Variants in SRGAP3 observed in about 807,000 individuals in gnomAD.
SRGAP3 encodes the protein SLIT-ROBO Rho GTPase-activating protein 3.
SRGAP3 carries 39 observed loss-of-function variants against 121.1 expected under a neutral mutation model. That is an observed-to-expected ratio of 0.32 (90% CI 0.25 to 0.42). The LOEUF (loss-of-function observed/expected upper bound fraction) is 0.42, where lower values mean the gene tolerates loss of function less well. SRGAP3 is among the 10% of genes least tolerant of loss of function. The pLI is 1.00. For synonymous variants in SRGAP3, 601 were observed against 570.0 expected (o/e 1.05, Z -0.77); for missense variants, 1,213 against 1,470.6 (o/e 0.82, Z 2.86).
chr3:9,184,743 G>T (rs1951542760), intron 1 of SRGAP3, among the ~76,000 whole-genome samples: 1 of 152,144 alleles, frequency 6.6e-6, no homozygotes, highest in South Asian at 2.1e-4. Flanking sequence ...TGCTTTACAG[G>T]AGAGATGAGA....
rs774821295 is a variant in SRGAP3 at position 8,985,655 on chromosome 3, G to T, written c.3164C>A (p.Pro1055His). 4 of 1,595,678 alleles carry T rather than the reference G, an allele frequency of 2.5e-6. No homozygotes were observed. ...ARLAGAQLRP[P>H]PMRPVRPVVQ... The stretch of plus-strand genomic sequence containing the variant: ...CACCGGCCGCACGGGCCGCATGGGG[G>T]GCGGGCGGAGCTGGGCGCCAGCCAG... The change falls in exon 22 of 22, where the codon CCC becomes CAC. Residue 1055 changes from proline (P) to histidine (H), a missense_variant. By Grantham distance (77) the Pro-to-His change is moderately conservative. Coordinates refer to ENST00000383836, the MANE Select transcript of SRGAP3 (RefSeq NM_014850.4). This position sits in a 1 kb window ranked among gnomAD's most constrained non-coding sequence, Gnocchi z 5.1.
intron 1 of SRGAP3, among the ~76,000 whole-genome samples, chr3:9,156,851 A>G (rs1055280780): frequency 6.6e-6 from 1 of 152,182 alleles, no homozygotes; most frequent in African/African-American, 2.4e-5. Context: ...GTATTTCAAC[A>G]GACAGGAGGC....
At chr3:9,125,525 C>T (rs1949189899) in intron 1 of SRGAP3, among the ~76,000 whole-genome samples, 1 of 152,202 alleles carries the variant, frequency 6.6e-6, no homozygotes, top group South Asian at 2.1e-4. Context: ...TTATTTAAGG[C>T]CACATCTGTG....
chr3:9,172,070 C>T (rs1950998457), intron 1 of SRGAP3, among the ~76,000 whole-genome samples: 1 of 149,362 alleles, frequency 6.7e-6, no homozygotes, highest in South Asian at 2.1e-4. Flanking sequence ...GGATTAGGGC[C>T]TTTCCAAATG....
At chr3:9,202,326 C>A (rs1268423404) in intron 1 of SRGAP3, among the ~76,000 whole-genome samples, 5 of 152,228 alleles carry the variant, frequency 3.3e-5, no homozygotes, top group Non-Finnish European at 5.9e-5. Flanking sequence ...CAGCCTTGGC[C>A]TCTTCTGTCC....
intron 3 of SRGAP3, among the ~76,000 whole-genome samples, chr3:9,272,035 G>C (rs938367735): frequency 6.6e-6 from 1 of 152,100 alleles, no homozygotes; most frequent in African/African-American, 2.4e-5. Flanking sequence ...GTCCAAAACC[G>C]GTTACAACTT....
At chr3:9,056,418 C>T in intron 7 of SRGAP3, 84 bp from the exon 8 acceptor site, 1 of 1,403,600 alleles carries the variant, frequency 7.1e-7, no homozygotes, top group Non-Finnish European at 9.9e-7. Context: ...CCATTAACAT[C>T]CCAATCACAG....
chr3:9,355,635 A>T (rs759151897), intron 1 of SRGAP3: 2 of 152,338 alleles, frequency 1.3e-5, no homozygotes, highest in Non-Finnish European at 2.9e-5. Flanking sequence ...CCTGACATAC[A>T]ATAGACATAT....
chr3:9,335,182 T>C (rs1389456589), intron 1 of SRGAP3, among the ~76,000 whole-genome samples: 3 of 152,208 alleles, frequency 2.0e-5, no homozygotes, highest in African/African-American at 7.2e-5. Context: ...GTCCCATTGA[T>C]TTGAAAGATT....
At chr3:9,048,558 C>T (rs992524236) in intron 9 of SRGAP3, among the ~76,000 whole-genome samples, 4 of 152,226 alleles carry the variant, frequency 2.6e-5, no homozygotes, top group Non-Finnish European at 5.9e-5. Context: ...CGGTGACTCA[C>T]ACCTGTAATT....
chr3:9,064,516 A>T lies in SRGAP3; in HGVS notation c.552T>A (p.Ala184=). Residue 184 remains alanine, a synonymous_variant, in exon 5 of 22, where the codon GCT becomes GCA. Transcript: ENST00000383836. ...TGAACTGCTTCTCCTCCTGCTTCTC[A>T]GCCTCCTTCAGCTTGCTTTCCGCAC... is the stretch of plus-strand genomic sequence containing the variant. ...SISAESKLKE[A]EKQEEKQFNK... 2 of 1,614,112 alleles carry T rather than the reference A, an allele frequency of 1.2e-6. No homozygotes were observed. Among genetic ancestry groups the T allele is most frequent in the Non-Finnish European group, 1.7e-6 (2 of 1,180,032 alleles).
rs777550340 is a variant in SRGAP3 at position 9,013,365 on chromosome 3, G to C, written c.2090C>G (p.Pro697Arg). Residue 697 changes from proline (P) to arginine (R), a missense_variant, in exon 17 of 22, where the codon CCC (proline) becomes CGC (arginine). This residue lies in a region of SRGAP3 where 793 missense variants were observed against 1,032.9 expected (regional missense o/e 0.77). Coordinates refer to ENST00000383836, the MANE Select transcript of SRGAP3 (RefSeq NM_014850.4). ...IIHHEAIFPS[P>R]RELEGPVYEK... ...ATACACAGGTCCCTCTAGCTCCCGG[G>C]GGCTGGGGAAGATGGCTTCATGATG... is the stretch of plus-strand genomic sequence containing the variant. The C allele has an allele frequency of 6.2e-7, 1 of 1,614,112 alleles. No individual in the cohort carries two copies. Among genetic ancestry groups the C allele is most frequent in the Non-Finnish European group, 8.5e-7 (1 of 1,180,026 alleles).
chr3:9,179,879 C>A (rs528551629), intron 1 of SRGAP3, among the ~76,000 whole-genome samples: 1 of 152,324 alleles, frequency 6.6e-6, no homozygotes, highest in African/African-American at 2.4e-5. Context: ...GCTTGCACAC[C>A]CACTTTGGGC....
intron 11 of SRGAP3, chr3:9,035,841 T>C (rs541284261): frequency 2.6e-5 from 4 of 154,280 alleles, no homozygotes; most frequent in Non-Finnish European, 4.3e-5. Context: ...TCCCAAATGG[T>C]GGCAATGCTG....
intron 18 of SRGAP3, among the ~76,000 whole-genome samples, chr3:8,998,191 A>G (rs897268563): frequency 5.3e-5 from 8 of 152,236 alleles, no homozygotes; most frequent in African/African-American, 1.9e-4. Context: ...CCCCAGCTAC[A>G]GAGCCTTCTT....
chr3:9,014,123 T>G (rs1943514760), intron 15 of SRGAP3: 3 of 479,854 alleles, frequency 6.3e-6, no homozygotes, highest in Non-Finnish European at 7.7e-6. Flanking sequence ...TGGACCTGGG[T>G]AGAGGGAAGC....
intron 3 of SRGAP3, among the ~76,000 whole-genome samples, chr3:9,306,838 G>T (rs1174538699): frequency 6.6e-6 from 1 of 152,158 alleles, no homozygotes; most frequent in Non-Finnish European, 1.5e-5. Context: ...TATTATACAT[G>T]TCATTCTATA....
At chr3:9,197,126 T>C (rs973402760) in intron 1 of SRGAP3, among the ~76,000 whole-genome samples, 1 of 152,232 alleles carries the variant, frequency 6.6e-6, no homozygotes, top group East Asian at 1.9e-4. Flanking sequence ...GGGATTCGTA[T>C]AGATGACAGG....
intron 3 of SRGAP3, among the ~76,000 whole-genome samples, chr3:9,303,740 CAAT>C (rs1223831272): frequency 4.6e-5 from 7 of 152,160 alleles, no homozygotes; most frequent in Non-Finnish European, 1.5e-5. Flanking sequence ...GAAAAGTCTA[CAAT>C]AATAACATTT....
Sources: gnomAD v4.1 joint callset for allele counts (sites outside exome capture counted in the v4.1 genomes callset) on GRCh38, gnomAD v4.1.1 for gene constraint, gnomAD v4.1.1 regional missense constraint, Gnocchi (gnomAD v3.1) non-coding constraint, MANE v1.5 for transcripts, NCBI Gene and HGNC (gene_info 2026-07-23, HGNC 2026-07-21) for gene names.